The following CUBN variants were observed in gnomAD, a reference collection of about 807,000 sequenced individuals.
CUBN encodes the protein cubilin.
Under a neutral mutation model 405.3 loss-of-function variants are expected in CUBN, and 282 were observed. The ratio of observed to expected loss-of-function variants is 0.70; its 90% CI spans 0.63 to 0.77. The LOEUF (loss-of-function observed/expected upper bound fraction) is 0.77, where lower values mean the gene tolerates loss of function less well. Among genes scored for constraint, CUBN ranks in the 30% least tolerant of loss-of-function variants. The pLI is 0.00. For synonymous variants in CUBN, 1,684 were observed against 1,617.0 expected (o/e 1.04, Z -0.99); for missense variants, 4,514 against 4,475.2 (o/e 1.01, Z -0.25).
chr10:16,992,255 G>T (rs1009381274), intron 28 of CUBN, among the ~76,000 whole-genome samples: 9 of 152,236 alleles, frequency 5.9e-5, no homozygotes, highest in African/African-American at 1.4e-4. Context: ...GTGGGGGAAG[G>T]GGGGAGGGAT....
intron 27 of CUBN, among the ~76,000 whole-genome samples, chr10:17,024,946 A>G (rs1372775178): frequency 6.6e-6 from 1 of 152,190 alleles, no homozygotes; most frequent in Non-Finnish European, 1.5e-5. Flanking sequence ...TCTTTTTTAT[A>G]GGAGATCAAT....
At chr10:17,000,651 T>C (rs568665936) in intron 28 of CUBN, among the ~76,000 whole-genome samples, 1 of 152,318 alleles carries the variant, frequency 6.6e-6, no homozygotes, top group South Asian at 2.1e-4. Flanking sequence ...AATGAAAAGC[T>C]GTGGGGAAAA....
At chr10:17,111,154 T>C in intron 8 of CUBN, 104 bp from the exon 9 acceptor site, 1 of 1,311,740 alleles carries the variant, frequency 7.6e-7, no homozygotes, top group Non-Finnish European at 1.1e-6. Flanking sequence ...TAAGGAACTA[T>C]AAAATAAAAA....
chr10:17,105,371 A>G (rs1836601227), intron 11 of CUBN, 86 bp downstream of exon 11: 1 of 843,656 alleles, frequency 1.2e-6, no homozygotes. Flanking sequence ...TTATCTTGAC[A>G]TTCCTGAATC....
rs1178411264 is a variant in CUBN at position 16,965,155 on chromosome 10, T to C, written c.4696-10607A>G. Among the ~76,000 whole-genome samples the C allele has an allele frequency of 2.0e-5, 3 of 152,100 alleles. No individual in the cohort carries two copies. The South Asian group carries it at 6.2e-4, about 32-fold the overall frequency. ...CTTCCCTCTACTTCATCCATGTCCC[T>C]CTCTGGTGTCTTGGTGTGGGGCCTC... On this transcript the variant is annotated intron_variant, in intron 31 of 66. Transcript: ENST00000377833.
At chr10:16,990,568 A>G in intron 28 of CUBN, 53 bp from the exon 29 acceptor site, 1 of 1,515,154 alleles carries the variant, frequency 6.6e-7, no homozygotes, top group Non-Finnish European at 9.1e-7. Context: ...GCACATGGAA[A>G]ATAATTCCAA....
chr10:17,085,889 C>T (rs1836096764), intron 15 of CUBN, 130 bp from the exon 16 acceptor site: 2 of 805,700 alleles, frequency 2.5e-6, no homozygotes, highest in Non-Finnish European at 4.1e-6. Flanking sequence ...CCATCACATC[C>T]AAATGTAACT....
At chr10:17,075,411 T>C (rs1835837657) in intron 17 of CUBN, among the ~76,000 whole-genome samples, 1 of 152,018 alleles carries the variant, frequency 6.6e-6, no homozygotes, top group South Asian at 2.1e-4. Context: ...AAAAGGATGA[T>C]ATTCAAAGTT....
At position 16,851,367 on chromosome 10, in the gene CUBN, T is replaced by C; in HGVS notation, c.9531A>G (p.Gly3177=). 6.2e-7 allele frequency: 1 copy of C among 1,614,114 alleles called. No homozygotes were observed. The highest frequency in any genetic ancestry group is 8.5e-7 in the Non-Finnish European group (1 of 1,180,006). Residue 3177 remains glycine, a synonymous_variant, in exon 60 of 67, where the codon GGA becomes GGG. Transcript: ENST00000377833. ...TFASPDSDSN[G]MYDKNLNCVW... ...CACAGTTTAAATTCTTGTCATACAT[T>C]CCATTCGAATCAGAATCAGGAGAGG...
chr10:16,990,482 G>A lies in CUBN; in HGVS notation c.4202C>T (p.Ser1401Phe). The change falls in exon 29 of 67, where the codon TCC (serine) becomes TTC (phenylalanine). Residue 1401 changes from serine (S) to phenylalanine (F), a missense_variant. By Grantham distance (155) the Ser-to-Phe change is radical (BLOSUM62 -2). This residue lies in a region of CUBN where 1,613 missense variants were observed against 1,542.8 expected (regional missense o/e 1.05). Transcript: ENST00000377833. The part of the protein sequence containing the change: ...CGGELSGATG[S>F]FSSPGFPNRY... Reference sequence around the variant, plus strand: ...GTTGGGGAACCCGGGGCTGCTGAAGGAGCCTGTGGCCCCAGACAGCTCTCC... The same window carrying A: ...GTTGGGGAACCCGGGGCTGCTGAAGAAGCCTGTGGCCCCAGACAGCTCTCC... 2.5e-6 allele frequency: 4 copies of A among 1,614,148 alleles called. No homozygotes were observed. Among genetic ancestry groups the A allele is most frequent in the Non-Finnish European group, 3.4e-6 (4 of 1,180,038 alleles).
At chr10:16,866,370 G>C (rs753698314) in intron 59 of CUBN, among the ~76,000 whole-genome samples, 1 of 152,128 alleles carries the variant, frequency 6.6e-6, no homozygotes, top group Non-Finnish European at 1.5e-5. Context: ...AAATACGTTT[G>C]CAAGTGTGAA....
At chr10:16,939,914 TG>T in intron 37 of CUBN, 117 bp downstream of exon 37, 3 of 930,716 alleles carry the variant, frequency 3.2e-6, no homozygotes, top group Non-Finnish European at 5.2e-6. Flanking sequence ...ACAAAGACAA[TG>T]TAGGAAAATA....
Position 16,876,927 on chromosome 10 carries a change from A to G in CUBN, c.9076T>C (p.Phe3026Leu). The G allele has an allele frequency of 6.2e-7, 1 of 1,614,148 alleles. No homozygotes were observed. The highest frequency in any genetic ancestry group is 2.2e-5 in the East Asian group (1 of 44,882). Residue 3026 changes from phenylalanine to leucine, a missense_variant, in exon 57 of 67, where the codon TTC (phenylalanine) becomes CTC (leucine). By Grantham distance (22) the Phe-to-Leu change is conservative. Coordinates refer to ENST00000377833, the MANE Select transcript of CUBN (RefSeq NM_001081.4). Reference protein sequence around the residue: ...NFYSNEQITDFGFKFSYRIIS... With the variant: ...NFYSNEQITDLGFKFSYRIIS... ...ATCCTATAGGAAAACTTGAATCCGA[A>G]GTCTGTGATTTGCTCGTTGGAGTAG...
chr10:16,896,391 GT>G (rs1046924730), intron 54 of CUBN, among the ~76,000 whole-genome samples: 2 of 152,096 alleles, frequency 1.3e-5, no homozygotes, highest in African/African-American at 2.4e-5. Flanking sequence ...CATATGAGAA[GT>G]TTTTATTTCC....
At chr10:16,932,134 T>C (rs10904839) in intron 40 of CUBN, among the ~76,000 whole-genome samples, 32,144 of 152,058 alleles carry the variant, frequency 0.21, 3,422 homozygotes, top group East Asian at 0.31. Flanking sequence ...TGTGTATGAT[T>C]GATTTGAGTC....
chr10:16,900,424 A>G (rs2131419787), intron 53 of CUBN, among the ~76,000 whole-genome samples: 1 of 152,354 alleles, frequency 6.6e-6, no homozygotes, highest in South Asian at 2.1e-4. Context: ...TGATCAACCC[A>G]TGCTTCCTCA....
intron 27 of CUBN, among the ~76,000 whole-genome samples, chr10:17,032,650 C>G (rs371525255): frequency 3.9e-5 from 6 of 152,112 alleles, no homozygotes; most frequent in East Asian, 3.9e-4. Flanking sequence ...ATCTGAGATG[C>G]GAATAACTCT....
chr10:17,106,294 A>C (rs887616366), intron 10 of CUBN, among the ~76,000 whole-genome samples: 1 of 148,914 alleles, frequency 6.7e-6, no homozygotes, highest in African/African-American at 2.5e-5. Flanking sequence ...CCAAGAAAAA[A>C]TTTTTTAATT....
intron 17 of CUBN, 56 bp from the exon 18 acceptor site, chr10:17,072,027 A>T: frequency 7.2e-7 from 1 of 1,397,326 alleles, no homozygotes; most frequent in Non-Finnish European, 1.0e-6. Flanking sequence ...TACGTCGGCA[A>T]TGGTGGCGTT....
Sources: gnomAD v4.1 joint callset for allele counts (sites outside exome capture counted in the v4.1 genomes callset) on GRCh38, gnomAD v4.1.1 for gene constraint, gnomAD v4.1.1 regional missense constraint, MANE v1.5 for transcripts, NCBI Gene and HGNC (gene_info 2026-07-23, HGNC 2026-07-21) for gene names.